Variants in PEAK1 observed in about 807,000 individuals in gnomAD.
PEAK1 encodes the protein inactive tyrosine-protein kinase PEAK1.
A neutral mutation model predicts 124.7 loss-of-function variants in PEAK1; 54 were observed. That is an observed-to-expected ratio of 0.43 (90% confidence interval 0.35 to 0.54). The LOEUF (loss-of-function observed/expected upper bound fraction) is 0.54. Among genes scored for constraint, PEAK1 ranks in the 20% least tolerant of loss-of-function variants. PEAK1 has a pLI of 0.01. For missense variants in PEAK1, 2,046 were observed against 2,134.5 expected (o/e 0.96, Z 0.82); for synonymous variants, 719 against 760.0 (o/e 0.95, Z 0.89).
chr15:77,123,360 A>C (rs2052088574), intron 9 of PEAK1, among the ~76,000 whole-genome samples: 1 of 152,174 alleles, frequency 6.6e-6, no homozygotes, highest in African/African-American at 2.4e-5. Context: ...CTAAGCCATA[A>C]TTTTGCCAAC....
chr15:77,340,421 T>G (rs1393467387), intron 2 of PEAK1, among the ~76,000 whole-genome samples: 1 of 152,138 alleles, frequency 6.6e-6, no homozygotes, highest in Non-Finnish European at 1.5e-5. Context: ...GGCAAACTTA[T>G]GAAAACAGAA....
intron 2 of PEAK1, chr15:77,346,414 C>T: frequency 1.0e-6 from 1 of 974,328 alleles, no homozygotes. Flanking sequence ...TTTCATTTTG[C>T]TAGGATGACA....
chr15:77,142,111 G>A (rs1052379678), intron 8 of PEAK1, among the ~76,000 whole-genome samples: 2 of 152,112 alleles, frequency 1.3e-5, no homozygotes, highest in Non-Finnish European at 2.9e-5. Context: ...CTTATATTCA[G>A]AATATATAAG....
chr15:77,141,028 G>T (rs1049206513), intron 8 of PEAK1, among the ~76,000 whole-genome samples: 1 of 152,048 alleles, frequency 6.6e-6, no homozygotes, highest in Non-Finnish European at 1.5e-5. Flanking sequence ...TTGTACAGGA[G>T]GTTCTAGTCA....
Position 77,328,129 on chromosome 15 carries a change from T to C in PEAK1, c.-603+37034A>G, listed in dbSNP as rs1035570465. Among the ~76,000 whole-genome samples the C allele has an allele frequency of 7.2e-5, 11 of 152,174 alleles. No homozygotes were observed. The East Asian group carries it at 7.7e-4, about 11-fold the overall frequency. Reference sequence around the variant, plus strand: ...AGTATACCACATGTATTTTAATCCATTGACTGGCCCATTAGTACATAAATA... The same window carrying C: ...AGTATACCACATGTATTTTAATCCACTGACTGGCCCATTAGTACATAAATA... On this transcript the variant is annotated intron_variant, in intron 2 of 9. Transcript: ENST00000682557.
chr15:77,289,426 C>T (rs943090080), intron 2 of PEAK1, among the ~76,000 whole-genome samples: 1 of 152,100 alleles, frequency 6.6e-6, no homozygotes, highest in African/African-American at 2.4e-5. Flanking sequence ...TTAGGTTGCT[C>T]CAAATAAGTA....
intron 8 of PEAK1, 124 bp downstream of exon 8, chr15:77,158,378 TA>T: frequency 1.1e-6 from 1 of 874,456 alleles, no homozygotes; most frequent in Non-Finnish European, 1.8e-6. Flanking sequence ...TTAAAATTTG[TA>T]ACTCCAATGG....
intron 6 of PEAK1, among the ~76,000 whole-genome samples, chr15:77,191,000 T>G (rs2057804836): frequency 6.6e-6 from 1 of 152,220 alleles, no homozygotes; most frequent in African/African-American, 2.4e-5. Context: ...GCATAAAGAA[T>G]TTATACCTAA....
At position 77,133,868 on chromosome 15, in the gene PEAK1, A is replaced by T. The variant is rs2053095028; in HGVS notation, c.3332-118T>A. 8.8e-7 allele frequency: 1 copy of T among 1,133,924 alleles called. No homozygotes were observed. Among genetic ancestry groups the T allele is most frequent in the Non-Finnish European group, 1.2e-6 (1 of 831,184 alleles). 70.2% of individuals were successfully genotyped at this position (1,133,924 alleles called of 1,614,324 possible). A position where few individuals can be genotyped will look rare whatever the true frequency, so the allele number is the denominator to read the frequency against. On this transcript the variant is annotated intron_variant, in intron 8 of 9. Coordinates refer to ENST00000682557, the MANE Select transcript of PEAK1 (RefSeq NM_001385026.1). The surrounding 1 kb of genome is among the most constrained non-coding windows in gnomAD (Gnocchi z 4.2). ...GCCATGGGAATGTAAGAATAAGTCA[A>T]CTCTTTAGTTCAAAATGGGAAAAGA...
At chr15:77,225,666 TTATA>T (rs55958042) in intron 6 of PEAK1, among the ~76,000 whole-genome samples, 2,420 of 87,966 alleles carry the variant, frequency 0.028, 109 homozygotes, top group African/African-American at 0.088. Context: ...TGTGTATAAT[TTATA>T]TATATATATA....
intron 2 of PEAK1, among the ~76,000 whole-genome samples, chr15:77,332,493 G>A (rs921175187): frequency 1.8e-4 from 28 of 151,950 alleles, no homozygotes; most frequent in Non-Finnish European, 3.2e-4. Context: ...CCAGCTACTC[G>A]GGAGGCTGAG....
At chr15:77,233,654 A>G (rs2059997199) in intron 6 of PEAK1, among the ~76,000 whole-genome samples, 1 of 152,024 alleles carries the variant, frequency 6.6e-6, no homozygotes. Context: ...TTACTCCCAA[A>G]TTTTATTTCC....
chr15:77,301,094 C>T (rs1367744696), intron 2 of PEAK1, among the ~76,000 whole-genome samples: 1 of 152,110 alleles, frequency 6.6e-6, no homozygotes, highest in Non-Finnish European at 1.5e-5. Context: ...CTCAAGTGAT[C>T]AGAAATTTAT....
intron 6 of PEAK1, among the ~76,000 whole-genome samples, chr15:77,249,086 G>A (rs2060725013): frequency 6.6e-6 from 1 of 152,046 alleles, no homozygotes; most frequent in African/African-American, 2.4e-5. Flanking sequence ...GCCTCCCAAA[G>A]TGTTGGGTTA....
At chr15:77,403,470 T>C (rs1197411798) in intron 1 of PEAK1, 3 of 935,796 alleles carry the variant, frequency 3.2e-6, no homozygotes, top group Non-Finnish European at 3.8e-6. Context: ...AGAGTTCTCA[T>C]ATTCCAGTAA....
chr15:77,152,701 G>A (rs946886023), intron 8 of PEAK1, among the ~76,000 whole-genome samples: 2 of 152,120 alleles, frequency 1.3e-5, no homozygotes, highest in Non-Finnish European at 2.9e-5. Flanking sequence ...AGCATGAAGG[G>A]TTGTTGAATT....
At chr15:77,241,179 T>A (rs995087542) in intron 6 of PEAK1, among the ~76,000 whole-genome samples, 5 of 151,650 alleles carry the variant, frequency 3.3e-5, no homozygotes, top group Non-Finnish European at 4.4e-5. Flanking sequence ...AAGTCCAAAA[T>A]TTTTTTTAAA....
intron 2 of PEAK1, among the ~76,000 whole-genome samples, chr15:77,290,071 G>A (rs1342027813): frequency 1.3e-5 from 2 of 151,490 alleles, no homozygotes; most frequent in East Asian, 1.9e-4. Context: ...AGGCTCAAGC[G>A]ATTCTCCTGC....
intron 6 of PEAK1, among the ~76,000 whole-genome samples, chr15:77,223,149 C>A (rs140650627): frequency 6.6e-6 from 1 of 152,160 alleles, no homozygotes; most frequent in East Asian, 1.9e-4. Flanking sequence ...CTATAGCCAA[C>A]AAAGCTTCCA....
Sources: gnomAD v4.1 joint callset for allele counts (sites outside exome capture counted in the v4.1 genomes callset) on GRCh38, gnomAD v4.1.1 for gene constraint, Gnocchi (gnomAD v3.1) non-coding constraint, MANE v1.5 for transcripts, NCBI Gene and HGNC (gene_info 2026-07-23, HGNC 2026-07-21) for gene names.